Variants in CDH18 observed in about 807,000 individuals in gnomAD.
CDH18 encodes the protein cadherin 18.
Under a neutral mutation model 67.9 loss-of-function variants are expected in CDH18, and 31 were observed. That is an observed-to-expected ratio of 0.46 (90% CI 0.34 to 0.62). The LOEUF (loss-of-function observed/expected upper bound fraction) is 0.62, where lower values mean the gene tolerates loss of function less well. Among genes scored for constraint, CDH18 ranks in the 20% least tolerant of loss-of-function variants. The probability of loss-of-function intolerance (pLI) is 0.01; values close to 1 mark genes in which losing one functional copy is unlikely to be tolerated. For missense variants in CDH18, 890 were observed against 975.5 expected (o/e 0.91, Z 1.17); for synonymous variants, 362 against 347.2 (o/e 1.04, Z -0.48).
chr5:20,508,907 C>T (rs1374773142), intron 1 of CDH18, among the ~76,000 whole-genome samples: 4 of 152,046 alleles, frequency 2.6e-5, no homozygotes, highest in Non-Finnish European at 5.9e-5. Context: ...AAAAAAGTCA[C>T]ACCCTCCTAA....
At chr5:19,632,785 C>G (rs953381978) in intron 5 of CDH18, among the ~76,000 whole-genome samples, 5 of 152,180 alleles carry the variant, frequency 3.3e-5, no homozygotes, top group Admixed American at 1.3e-4. Flanking sequence ...CATGTTCTAT[C>G]TTTCCTCTTT....
chr5:19,597,148 T>C (rs1363737388), intron 6 of CDH18, among the ~76,000 whole-genome samples: 1 of 152,164 alleles, frequency 6.6e-6, no homozygotes, highest in Non-Finnish European at 1.5e-5. Context: ...TTGCAGCCCA[T>C]AGAGCAAGTG....
At chr5:19,567,076 GC>G (rs1740540430) in intron 8 of CDH18, among the ~76,000 whole-genome samples, 1 of 152,056 alleles carries the variant, frequency 6.6e-6, no homozygotes, top group African/African-American at 2.4e-5. Flanking sequence ...GTTGTCAGAG[GC>G]TAGGAAGGGT....
At chr5:20,469,715 C>T (rs1055006889) in intron 1 of CDH18, among the ~76,000 whole-genome samples, 3 of 152,148 alleles carry the variant, frequency 2.0e-5, no homozygotes, top group Admixed American at 2.0e-4. Flanking sequence ...TCCCTCCAGT[C>T]TATTCTCCAC....
chr5:20,464,334 G>A (rs10067927), intron 1 of CDH18, among the ~76,000 whole-genome samples: 119,775 of 152,088 alleles, frequency 0.79, 47,405 homozygotes, highest in Admixed American at 0.86. Flanking sequence ...GAGGAAGTAC[G>A]TGTGAATTGA....
At chr5:20,424,741 TGTCTAA>T (rs1748148742) in intron 1 of CDH18, among the ~76,000 whole-genome samples, 1 of 73,340 alleles carries the variant, frequency 1.4e-5, no homozygotes, top group Non-Finnish European at 2.8e-5. Flanking sequence ...AGCAAGACTC[TGTCTAA>T]AAAAAAAAAA....
At chr5:20,251,890 A>T in intron 2 of CDH18, among the ~76,000 whole-genome samples, 1 of 152,344 alleles carries the variant, frequency 6.6e-6, no homozygotes. Context: ...TCATTTATAC[A>T]AATAATGAGA....
At chr5:19,537,052 GA>G (rs1284610257) in intron 9 of CDH18, among the ~76,000 whole-genome samples, 2 of 152,188 alleles carry the variant, frequency 1.3e-5, no homozygotes, top group African/African-American at 4.8e-5. Flanking sequence ...GGAGTGCTCA[GA>G]TATGTATAGT....
At chr5:20,247,741 C>A (rs376103386) in intron 2 of CDH18, among the ~76,000 whole-genome samples, 95 of 145,076 alleles carry the variant, frequency 6.5e-4, no homozygotes, top group African/African-American at 2.4e-3. Flanking sequence ...TCCAGCCTGG[C>A]CAACTGAGCG....
chr5:20,453,492 A>G (rs1194242481), intron 1 of CDH18, among the ~76,000 whole-genome samples: 1 of 152,084 alleles, frequency 6.6e-6, no homozygotes, highest in Non-Finnish European at 1.5e-5. Context: ...AGTTTAGTGC[A>G]GAAGAAAGAA....
intron 11 of CDH18, among the ~76,000 whole-genome samples, chr5:19,488,333 T>C (rs1214163965): frequency 1.3e-5 from 2 of 152,212 alleles, no homozygotes; most frequent in Admixed American, 6.5e-5. Context: ...AGCAAATTTC[T>C]TTTCTGATAA....
chr5:19,477,653 A>G (rs183636589), intron 12 of CDH18, among the ~76,000 whole-genome samples: 2 of 152,216 alleles, frequency 1.3e-5, no homozygotes, highest in Non-Finnish European at 2.9e-5. Context: ...AATTATACAT[A>G]TAAATAGAGT....
intron 1 of CDH18, among the ~76,000 whole-genome samples, chr5:20,507,127 A>G (rs762266488): frequency 6.6e-6 from 1 of 152,216 alleles, no homozygotes; most frequent in Non-Finnish European, 1.5e-5. Context: ...TGTGAGAGAG[A>G]TATCTTGGAA....
At chr5:20,383,752 A>G (rs1387611297) in intron 1 of CDH18, among the ~76,000 whole-genome samples, 2 of 152,190 alleles carry the variant, frequency 1.3e-5, no homozygotes, top group African/African-American at 4.8e-5. Flanking sequence ...GACAAGCCAT[A>G]TAATTACAGA....
intron 1 of CDH18, among the ~76,000 whole-genome samples, chr5:20,385,686 A>G (rs182766277): frequency 5.3e-5 from 8 of 152,190 alleles, no homozygotes; most frequent in Non-Finnish European, 1.0e-4. Context: ...TAAGTGGAGA[A>G]AAGAATGCTT....
chr5:20,075,491 G>A (rs1054760604), intron 2 of CDH18, among the ~76,000 whole-genome samples: 3 of 151,246 alleles, frequency 2.0e-5, no homozygotes. Context: ...GATAGAGATA[G>A]ACTCTGCCTC....
intron 10 of CDH18, among the ~76,000 whole-genome samples, chr5:19,515,074 G>C (rs554164323): frequency 1.4e-4 from 21 of 152,272 alleles, no homozygotes; most frequent in African/African-American, 4.8e-4. Context: ...TGGCTAGCCA[G>C]TTTTCCCAGC....
intron 11 of CDH18, among the ~76,000 whole-genome samples, chr5:19,500,070 C>T (rs1404508576): frequency 1.3e-5 from 2 of 150,620 alleles, no homozygotes; most frequent in African/African-American, 4.9e-5. Context: ...AAATTTTCTT[C>T]TAGCTTTTTT....
chr5:20,491,631 C>T (rs907279971), intron 1 of CDH18, among the ~76,000 whole-genome samples: 4 of 152,162 alleles, frequency 2.6e-5, no homozygotes, highest in African/African-American at 9.7e-5. Context: ...GCATCAGCGG[C>T]AGAATTTCCG....
Sources: allele counts gnomAD v4.1 joint callset (sites outside exome capture counted in the v4.1 genomes callset), GRCh38; gene constraint gnomAD v4.1.1; transcripts MANE v1.5; gene names NCBI Gene and HGNC (gene_info 2026-07-23, HGNC 2026-07-21).